The following PDCD6IP variants were observed in gnomAD, a reference collection of about 807,000 sequenced individuals.
PDCD6IP encodes programmed cell death 6-interacting protein.
Under a neutral mutation model 103.7 loss-of-function variants are expected in PDCD6IP, and 43 were observed. That is an observed-to-expected ratio of 0.41 (90% CI 0.32 to 0.53). The LOEUF (loss-of-function observed/expected upper bound fraction) is 0.53. PDCD6IP is among the 20% of genes least tolerant of loss of function. The pLI, the probability that PDCD6IP is intolerant of heterozygous loss-of-function variation, is 0.16. For synonymous variants in PDCD6IP, 354 were observed against 378.7 expected (o/e 0.93, Z 0.76); for missense variants, 871 against 1,036.7 (o/e 0.84, Z 2.20).
chr3:33,834,370 G>A (rs2125561700), intron 7 of PDCD6IP, among the ~76,000 whole-genome samples: 1 of 152,248 alleles, frequency 6.6e-6, no homozygotes, highest in East Asian at 1.9e-4. Context: ...CGTACCTACG[G>A]TTCTGGTACT....
chr3:33,804,879 C>G (rs770783912), intron 1 of PDCD6IP, among the ~76,000 whole-genome samples: 5 of 152,196 alleles, frequency 3.3e-5, no homozygotes, highest in Admixed American at 1.3e-4. Flanking sequence ...TCTATGAACT[C>G]CAGCCAATAT....
intron 7 of PDCD6IP, among the ~76,000 whole-genome samples, chr3:33,835,482 T>G (rs1697326402): frequency 6.6e-6 from 1 of 152,196 alleles, no homozygotes; most frequent in Admixed American, 6.5e-5. Context: ...TTTGGGAAGC[T>G]GAGTTGGGCA....
chr3:33,861,882 T>C (rs1697963582), intron 15 of PDCD6IP, among the ~76,000 whole-genome samples: 1 of 152,238 alleles, frequency 6.6e-6, no homozygotes, highest in South Asian at 2.1e-4. Context: ...GAAGAATGAA[T>C]ATTTTACTCT....
At position 33,798,676 on chromosome 3, in the gene PDCD6IP, C is replaced by G; in HGVS notation, c.-53C>G. 1 of 1,462,690 alleles carries G rather than the reference C, an allele frequency of 6.8e-7. No homozygotes were observed. The highest frequency in any genetic ancestry group is 9.2e-7 in the Non-Finnish European group (1 of 1,086,328). The allele number at this position is 1,462,690 out of a possible 1,614,324, so 90.6% of individuals were successfully genotyped here. A position where few individuals can be genotyped will look rare whatever the true frequency, so the allele number is the denominator to read the frequency against. On this transcript the variant is annotated 5_prime_UTR_variant, in exon 1 of 18. Coordinates refer to ENST00000307296, the MANE Select transcript of PDCD6IP (RefSeq NM_013374.6). ...GCCCAGTACCTCTCTCTCCTCGGCC[C>G]TCGTAAGCTGTCCGCGGTCTGTTTG... is the stretch of plus-strand genomic sequence containing the variant.
At chr3:33,817,596 T>TA (rs1696883005) in intron 3 of PDCD6IP, among the ~76,000 whole-genome samples, 1 of 151,544 alleles carries the variant, frequency 6.6e-6, no homozygotes, top group South Asian at 2.1e-4. Flanking sequence ...CTACAAAAAA[T>TA]AAAAAAATTA....
At chr3:33,824,225 T>C (rs1559780506) in intron 4 of PDCD6IP, among the ~76,000 whole-genome samples, 1 of 152,134 alleles carries the variant, frequency 6.6e-6, no homozygotes, top group Non-Finnish European at 1.5e-5. Context: ...GAGTTTTCTC[T>C]GTGTTGTCTA....
At chr3:33,844,734 A>G (rs965809163) in intron 11 of PDCD6IP, among the ~76,000 whole-genome samples, 2 of 152,118 alleles carry the variant, frequency 1.3e-5, no homozygotes, top group African/African-American at 4.8e-5. Flanking sequence ...ACCTGCCTCC[A>G]CTTCCCAAAG....
chr3:33,855,447 AAAG>A (rs80352187), intron 15 of PDCD6IP, 187 bp downstream of exon 15: 58,754 of 426,298 alleles, frequency 0.14, 5,617 homozygotes, highest in East Asian at 0.38. Flanking sequence ...GAAAGGATGA[AAAG>A]AAGCAGAAAC....
rs1404182904 is a variant in PDCD6IP, at chr3:33,832,679, T to A, written c.835-3365T>A. On this transcript the variant is annotated intron_variant, in intron 7 of 17. Coordinates refer to ENST00000307296, the MANE Select transcript of PDCD6IP (RefSeq NM_013374.6). ...ATTAGATTCACGGTATATATTGGGA[T>A]CTATTTCTGCTTTTATTGTTTCATT... Among the ~76,000 whole-genome samples, 4 of 152,298 alleles carry A rather than the reference T, an allele frequency of 2.6e-5. No homozygotes were observed. The South Asian group carries it at 8.3e-4, about 32-fold the overall frequency.
intron 1 of PDCD6IP, among the ~76,000 whole-genome samples, chr3:33,806,097 A>G (rs886414231): frequency 2.6e-5 from 4 of 152,068 alleles, no homozygotes; most frequent in Non-Finnish European, 4.4e-5. Context: ...TGGTATTTCA[A>G]AGAAATGTAT....
rs751357339 is a variant in PDCD6IP at position 33,825,192 on chromosome 3, T to C, written c.468T>C (p.Ala156=). ...ATTCTTTTTCCCCCCTTTAGTTTGC[T>C]AGTGGTGCCTTTTTACATATTAAAG... is the stretch of plus-strand genomic sequence containing the variant. The part of the protein sequence containing the change: ...LKIAAKHYQF[A]SGAFLHIKET... Residue 156 remains alanine, a synonymous_variant, in exon 5 of 18, where the codon GCT becomes GCC. Coordinates refer to ENST00000307296, the MANE Select transcript of PDCD6IP (RefSeq NM_013374.6). The C allele has an allele frequency of 1.1e-5, 17 of 1,607,756 alleles. No individual in the cohort carries two copies. The South Asian group carries it at 1.8e-4, about 17-fold the overall frequency.
rs1697079649 is a variant in PDCD6IP at position 33,824,800 on chromosome 3, A to C, written c.463-387A>C. The stretch of plus-strand genomic sequence containing the variant: ...GGTGTCCCCTAACTACGGCATGTTT[A>C]ATTATTTGAAAGATGAATTTGTTTG... On this transcript the variant is annotated intron_variant, in intron 4 of 17. Transcript: ENST00000307296. 2.6e-5 allele frequency among the ~76,000 whole-genome samples: 4 copies of C among 152,190 alleles called. No individual in the cohort carries two copies. In the South Asian group the frequency reaches 8.3e-4, roughly 31 times the overall value.
At position 33,852,293 on chromosome 3, in the gene PDCD6IP, C is replaced by T. The variant is rs188794828; in HGVS notation, c.1642-195C>T. ...TAGATGTTGGCTATTGTTATTAATG[C>T]TGCTTTTGTTTTAATATGAGTCAAC... is the stretch of plus-strand genomic sequence containing the variant. On this transcript the variant is annotated intron_variant, in intron 12 of 17. Transcript: ENST00000307296. Among the ~76,000 whole-genome samples the T allele has an allele frequency of 1.6e-3, 243 of 152,208 alleles. 1 individual carries two copies. Among genetic ancestry groups the T allele is most frequent in the African/African-American group, 5.3e-3 (220 of 41,538 alleles).
intron 3 of PDCD6IP, among the ~76,000 whole-genome samples, chr3:33,814,635 G>GTGCATATATAATGTGTATTATATA (rs1559775078): frequency 5.2e-5 from 7 of 134,046 alleles, no homozygotes; most frequent in African/African-American, 1.8e-4. Context: ...TGTATTATAT[G>GTGCATATATAATGTGTATTATATA]TGCATATATA....
At chr3:33,811,669 T>C (rs1408678175) in intron 1 of PDCD6IP, among the ~76,000 whole-genome samples, 1 of 148,550 alleles carries the variant, frequency 6.7e-6, no homozygotes, top group Admixed American at 6.6e-5. Context: ...TGGAGACAGA[T>C]AGAGATGGGC....
At chr3:33,838,435 T>C in intron 9 of PDCD6IP, 108 bp downstream of exon 9, 1 of 994,072 alleles carries the variant, frequency 1.0e-6, no homozygotes, top group Admixed American at 2.3e-5. Context: ...GTATATAAAA[T>C]AGAAAATGTA....
intron 7 of PDCD6IP, among the ~76,000 whole-genome samples, chr3:33,832,479 AATTTGTTACATATTTGGATTGT>A (rs565593843): frequency 6.7e-4 from 102 of 152,286 alleles, no homozygotes; most frequent in African/African-American, 2.4e-3. Context: ...ATATGTCTGT[AATTTGTTACATATTTGGATTGT>A]TGATCCACTT....
At chr3:33,845,301 G>A (rs545024977) in intron 11 of PDCD6IP, 118 bp from the exon 12 acceptor site, 1 of 590,094 alleles carries the variant, frequency 1.7e-6, no homozygotes, top group Admixed American at 3.3e-5. Flanking sequence ...GAAGTGAATT[G>A]GGGTCTATAG....
intron 12 of PDCD6IP, among the ~76,000 whole-genome samples, chr3:33,850,980 G>A (rs866217539): frequency 2.7e-5 from 4 of 150,744 alleles, no homozygotes; most frequent in Non-Finnish European, 2.9e-5. Context: ...AAATTAGGAT[G>A]TTTAGGAGAT....
Sources: gnomAD v4.1 joint callset for allele counts (sites outside exome capture counted in the v4.1 genomes callset) on GRCh38, gnomAD v4.1.1 for gene constraint, MANE v1.5 for transcripts, NCBI Gene and HGNC (gene_info 2026-07-23, HGNC 2026-07-21) for gene names.